The following MTF2 variants were observed in gnomAD, a reference collection of about 807,000 sequenced individuals.
The protein encoded by MTF2 is metal response element binding transcription factor 2.
Under a neutral mutation model 79.5 loss-of-function variants are expected in MTF2, and 11 were observed. The ratio of observed to expected loss-of-function variants is 0.14; its 90% CI spans 0.09 to 0.23. The LOEUF is 0.23. MTF2 is among the 10% of genes least tolerant of loss of function. The pLI is 1.00. For missense variants in MTF2, 486 were observed against 711.2 expected (o/e 0.68, Z 3.60); for synonymous variants, 208 against 232.8 (o/e 0.89, Z 0.97).
chr1:93,122,177 T>C (rs1225015378), intron 9 of MTF2, among the ~76,000 whole-genome samples: 1 of 152,182 alleles, frequency 6.6e-6, no homozygotes, highest in Non-Finnish European at 1.5e-5. Context: ...CTATAGTGGT[T>C]TTTATAATTA....
chr1:93,133,833 T>C, intron 12 of MTF2, 25 bp downstream of exon 12: 1 of 1,566,884 alleles, frequency 6.4e-7, no homozygotes, highest in Non-Finnish European at 8.8e-7. Context: ...TGGTATATGT[T>C]CTCAAGAAGA....
At chr1:93,115,151 G>GT in intron 5 of MTF2, 63 bp downstream of exon 5, 1 of 1,227,622 alleles carries the variant, frequency 8.1e-7, no homozygotes, top group Non-Finnish European at 1.2e-6. Context: ...TCAACATAAT[G>GT]ATTGTGTACA....
chr1:93,114,971 C>G lies in MTF2; in HGVS notation c.383-17C>G. On this transcript the variant is annotated splice_polypyrimidine_tract_variant and intron_variant, in intron 4 of 14. Transcript: ENST00000370298. The stretch of plus-strand genomic sequence containing the variant: ...TTAATGAAACCGAATTTGCTTTATG[C>G]TTTTTTTGATATTAAGGATATCATC... 6.5e-7 allele frequency: 1 copy of G among 1,545,528 alleles called. No individual in the cohort carries two copies. Among genetic ancestry groups the G allele is most frequent in the Non-Finnish European group, 8.9e-7 (1 of 1,128,638 alleles).
intron 1 of MTF2, among the ~76,000 whole-genome samples, chr1:93,094,811 T>C (rs970338053): frequency 6.6e-6 from 1 of 152,218 alleles, no homozygotes; most frequent in African/African-American, 2.4e-5. Flanking sequence ...TCATTAGGTG[T>C]TGCAAAATGG....
At position 93,137,532 on chromosome 1, in the gene MTF2, A is replaced by C. The variant is rs1194783746; in HGVS notation, c.*505A>C. Reference sequence around the variant, plus strand: ...AAAATATTGAAATTTTCTTTCAAGCAAAGTGTAAAAAAATATATTGAGCCT... The same window carrying C: ...AAAATATTGAAATTTTCTTTCAAGCCAAGTGTAAAAAAATATATTGAGCCT... On this transcript the variant is annotated 3_prime_UTR_variant, in exon 15 of 15. Transcript: ENST00000370298. The C allele has an allele frequency of 6.5e-6, 1 of 153,648 alleles. No homozygotes were observed. Among genetic ancestry groups the C allele is most frequent in the Non-Finnish European group, 1.5e-5 (1 of 68,748 alleles). 9.5% of individuals were successfully genotyped at this position (153,648 alleles called of 1,614,324 possible).
chr1:93,108,445 AAGATTCT>A (rs1292262163), intron 1 of MTF2, among the ~76,000 whole-genome samples: 1 of 152,134 alleles, frequency 6.6e-6, no homozygotes, highest in Non-Finnish European at 1.5e-5. Context: ...TGCTGGATAT[AAGATTCT>A]CTGGTGACAG....
chr1:93,117,792 C>G (rs1377908989), intron 6 of MTF2, among the ~76,000 whole-genome samples: 1 of 151,902 alleles, frequency 6.6e-6, no homozygotes, highest in African/African-American at 2.4e-5. Context: ...TTTGGGAGGC[C>G]GAGGACAGAG....
intron 9 of MTF2, among the ~76,000 whole-genome samples, chr1:93,123,861 C>T (rs1656588031): frequency 6.7e-6 from 1 of 148,818 alleles, no homozygotes; most frequent in African/African-American, 2.5e-5. Context: ...CCCCTTCTGC[C>T]ACACATGCAT....
At chr1:93,129,838 A>G (rs1656848111) in intron 11 of MTF2, among the ~76,000 whole-genome samples, 1 of 151,088 alleles carries the variant, frequency 6.6e-6, no homozygotes, top group Non-Finnish European at 1.5e-5. Context: ...ACAATGACAG[A>G]TAGATTTTTC....
intron 11 of MTF2, among the ~76,000 whole-genome samples, chr1:93,133,001 T>C (rs374144154): frequency 1.3e-5 from 2 of 152,088 alleles, no homozygotes; most frequent in African/African-American, 2.4e-5. Flanking sequence ...TTTTTTTCTA[T>C]AATTAGTGTC....
At chr1:93,104,732 G>T (rs1655691718) in intron 1 of MTF2, among the ~76,000 whole-genome samples, 2 of 151,044 alleles carry the variant, frequency 1.3e-5, no homozygotes, top group Non-Finnish European at 2.9e-5. Flanking sequence ...TTTAAATATT[G>T]GTTAGATAAA....
chr1:93,090,031 C>T lies in MTF2; in HGVS notation c.5+10500C>T, dbSNP rs183765739. Among the ~76,000 whole-genome samples, 48 of 152,142 alleles carry T rather than the reference C, an allele frequency of 3.2e-4. No individual in the cohort carries two copies. The East Asian group carries it at 8.9e-3, about 28-fold the overall frequency. ...TCGCTCTGTCCCCCGGGCTGGAGCG[C>T]GGTAGCACGATCTCGGCTCACTGCA... On this transcript the variant is annotated intron_variant, in intron 1 of 14. Coordinates refer to ENST00000370298, the MANE Select transcript of MTF2 (RefSeq NM_007358.4).
intron 1 of MTF2, among the ~76,000 whole-genome samples, chr1:93,087,571 C>CAAAA (rs5776168): frequency 7.4e-6 from 1 of 135,550 alleles, no homozygotes; most frequent in African/African-American, 2.9e-5. Context: ...GACTCTGTCT[C>CAAAA]AAAAAAAAAA....
intron 1 of MTF2, among the ~76,000 whole-genome samples, chr1:93,108,189 G>A (rs1655882922): frequency 6.6e-6 from 1 of 152,076 alleles, no homozygotes; most frequent in Non-Finnish European, 1.5e-5. Flanking sequence ...ATACAATTAT[G>A]TACATATTGT....
At chr1:93,081,221 T>A (rs1220592008) in intron 1 of MTF2, among the ~76,000 whole-genome samples, 2 of 152,218 alleles carry the variant, frequency 1.3e-5, no homozygotes, top group Non-Finnish European at 2.9e-5. Context: ...TTAATAGTTC[T>A]TTAAATCATC....
Position 93,121,405 on chromosome 1 carries a change from A to G in MTF2, c.921+733A>G, listed in dbSNP as rs540844765. On this transcript the variant is annotated intron_variant, in intron 9 of 14. Coordinates refer to ENST00000370298, the MANE Select transcript of MTF2 (RefSeq NM_007358.4). ...ATATTAACTACTTTTAGTTAAAACT[A>G]AAAAATTTGTTTTATAATATGGAAT... 64 of 865,458 alleles carry G rather than the reference A, an allele frequency of 7.4e-5. 1 individual carries two copies. The African/African-American group carries it at 1.1e-3, about 15-fold the overall frequency. 53.6% of individuals were successfully genotyped at this position (865,458 alleles called of 1,614,324 possible).
intron 1 of MTF2, among the ~76,000 whole-genome samples, chr1:93,080,162 G>T (rs372696742): frequency 3.3e-5 from 5 of 152,152 alleles, no homozygotes; most frequent in African/African-American, 1.2e-4. Flanking sequence ...GCTTATATTT[G>T]GAGCTCACCA....
At chr1:93,094,530 T>C (rs992885189) in intron 1 of MTF2, among the ~76,000 whole-genome samples, 1 of 152,242 alleles carries the variant, frequency 6.6e-6, no homozygotes, top group Non-Finnish European at 1.5e-5. Context: ...CCTCTTTTTT[T>C]CTGTGGAGTT....
intron 9 of MTF2, chr1:93,121,074 T>G: frequency 2.0e-6 from 2 of 977,102 alleles, no homozygotes; most frequent in Non-Finnish European, 1.2e-6. Flanking sequence ...TGGTACTCCT[T>G]TATATATTTC....
Sources: allele counts gnomAD v4.1 joint callset (sites outside exome capture counted in the v4.1 genomes callset), GRCh38; gene constraint gnomAD v4.1.1; transcripts MANE v1.5; gene names NCBI Gene and HGNC (gene_info 2026-07-23, HGNC 2026-07-21).